The following UNC13C variants were observed in gnomAD, a reference collection of about 807,000 sequenced individuals.
UNC13C encodes protein unc-13 homolog C.
A neutral mutation model predicts 245.4 loss-of-function variants in UNC13C; 174 were observed. The ratio of observed to expected loss-of-function variants is 0.71; its 90% confidence interval spans 0.63 to 0.80. The LOEUF is 0.80. Ranked by LOEUF, UNC13C falls within the 30% of genes least tolerant of loss-of-function variation. UNC13C has a pLI of 0.00. For missense variants in UNC13C, 2,829 were observed against 2,602.9 expected (o/e 1.09, Z -1.89); for synonymous variants, 992 against 895.1 (o/e 1.11, Z -1.93).
intron 30 of UNC13C, among the ~76,000 whole-genome samples, chr15:54,592,266 T>G (rs1401070811): frequency 6.6e-6 from 1 of 152,162 alleles, no homozygotes; most frequent in Admixed American, 6.5e-5. Flanking sequence ...GAACGTGTAT[T>G]CTGTGGTTGT....
chr15:54,000,994 A>G (rs535348737), intron 1 of UNC13C, among the ~76,000 whole-genome samples: 2 of 152,306 alleles, frequency 1.3e-5, no homozygotes, highest in South Asian at 4.1e-4. Flanking sequence ...CTCTTTCGTA[A>G]TGTGTGATAA....
chr15:54,629,539 G>GTATC (rs1901401067), downstream of UNC13C: 2 of 152,276 alleles, frequency 1.3e-5, no homozygotes, highest in East Asian at 3.9e-4. Flanking sequence ...ATGAACTAAT[G>GTATC]TATCTACCTA....
chr15:54,519,624 A>G (rs1462734242), intron 24 of UNC13C, among the ~76,000 whole-genome samples: 1 of 152,212 alleles, frequency 6.6e-6, no homozygotes, highest in Non-Finnish European at 1.5e-5. Flanking sequence ...TAGGATAAAG[A>G]AAATGCCATA....
intron 8 of UNC13C, among the ~76,000 whole-genome samples, chr15:54,260,748 T>G (rs2140884050): frequency 6.7e-6 from 1 of 149,052 alleles, no homozygotes; most frequent in African/African-American, 2.4e-5. Context: ...GTTTTATATA[T>G]AAAGTTACGT....
rs527481763 is a variant in UNC13C at position 54,609,880 on chromosome 15, A to C, written c.6107-12447A>C. ...GAAAGGGAAGAAAACGTGCTTCTTC[A>C]CATGGTGACAGGAAAGAGAAATGCT... On this transcript the variant is annotated intron_variant, in intron 30 of 32. Transcript: ENST00000260323. Among the ~76,000 whole-genome samples the C allele has an allele frequency of 2.9e-4, 44 of 152,320 alleles. 1 individual carries two copies. The South Asian group carries it at 8.5e-3, about 29-fold the overall frequency.
At chr15:53,876,282 A>G in the UNC13C span, among the ~76,000 whole-genome samples, 1 of 152,178 alleles carries the variant, frequency 6.6e-6, no homozygotes, top group South Asian at 2.1e-4. Context: ...TCAAAGCTCA[A>G]GTACCAAACT....
At chr15:54,225,408 C>T (rs1283039740) in intron 4 of UNC13C, among the ~76,000 whole-genome samples, 9 of 152,036 alleles carry the variant, frequency 5.9e-5, no homozygotes, top group Non-Finnish European at 1.5e-5. Context: ...GGCAGTATGC[C>T]CATTTTCACA....
At chr15:54,082,636 A>G (rs1319415600) in intron 2 of UNC13C, among the ~76,000 whole-genome samples, 1 of 152,150 alleles carries the variant, frequency 6.6e-6, no homozygotes, top group Non-Finnish European at 1.5e-5. Context: ...TGGAGTTGTC[A>G]AAACACTGTC....
At chr15:53,987,260 G>C (rs368532118) in intron 1 of UNC13C, among the ~76,000 whole-genome samples, 3 of 149,134 alleles carry the variant, frequency 2.0e-5, no homozygotes, top group South Asian at 4.2e-4. Context: ...TGGCTGTCTG[G>C]GTAATTCAAA....
intron 14 of UNC13C, among the ~76,000 whole-genome samples, chr15:54,327,682 A>T (rs1278563564): frequency 6.6e-6 from 1 of 152,080 alleles, no homozygotes; most frequent in Non-Finnish European, 1.5e-5. Flanking sequence ...GTATTGAAGG[A>T]TGATAGTGGG....
intron 11 of UNC13C, among the ~76,000 whole-genome samples, chr15:54,294,814 A>G (rs2037387260): frequency 6.6e-6 from 1 of 152,180 alleles, no homozygotes; most frequent in Admixed American, 6.5e-5. Context: ...GAGTTGACAC[A>G]TTCCTTGGGT....
chr15:54,146,250 A>G (rs1422504782), intron 4 of UNC13C, among the ~76,000 whole-genome samples: 1 of 152,194 alleles, frequency 6.6e-6, no homozygotes, highest in African/African-American at 2.4e-5. Context: ...CAGACTTTTG[A>G]AATACGGAGT....
intron 18 of UNC13C, among the ~76,000 whole-genome samples, chr15:54,397,468 T>G (rs763804541): frequency 6.6e-6 from 1 of 151,548 alleles, no homozygotes; most frequent in Non-Finnish European, 1.5e-5. Flanking sequence ...TAAAATTTAC[T>G]CAACTTTGTT....
chr15:54,571,411 T>A lies in UNC13C; in HGVS notation c.6106+3464T>A, dbSNP rs548927712. Reference sequence around the variant, plus strand: ...GGAAAAACCCACCCCTGTGATTCAATTACCTCTCACCAGGTCCATCCCATG... The same window carrying A: ...GGAAAAACCCACCCCTGTGATTCAAATACCTCTCACCAGGTCCATCCCATG... On this transcript the variant is annotated intron_variant, in intron 30 of 32. Transcript: ENST00000260323. 1.4e-3 allele frequency among the ~76,000 whole-genome samples: 220 copies of A among 152,278 alleles called. 1 individual carries two copies. The highest frequency in any genetic ancestry group is 5.2e-3 in the African/African-American group (215 of 41,562).
intron 2 of UNC13C, among the ~76,000 whole-genome samples, chr15:54,040,029 A>C (rs549734001): frequency 6.6e-6 from 1 of 151,074 alleles, no homozygotes; most frequent in Admixed American, 6.6e-5. Flanking sequence ...AACAAGCCAA[A>C]CCCCTTACTG....
chr15:54,575,969 G>T (rs907609237), intron 30 of UNC13C, among the ~76,000 whole-genome samples: 1 of 152,232 alleles, frequency 6.6e-6, no homozygotes, highest in African/African-American at 2.4e-5. Flanking sequence ...CAGTCAAAGA[G>T]CTATGCACAA....
intron 17 of UNC13C, among the ~76,000 whole-genome samples, chr15:54,374,344 G>A (rs1472071071): frequency 6.6e-6 from 1 of 152,040 alleles, no homozygotes; most frequent in East Asian, 1.9e-4. Context: ...TGTTTGTACT[G>A]AGGGACACCT....
intron 4 of UNC13C, among the ~76,000 whole-genome samples, chr15:54,165,995 ATTG>A (rs1256047918): frequency 6.6e-6 from 1 of 151,888 alleles, no homozygotes; most frequent in Non-Finnish European, 1.5e-5. Flanking sequence ...TTGTTCGTCT[ATTG>A]TTCTCATTAC....
At chr15:53,899,634 G>T in the UNC13C span, among the ~76,000 whole-genome samples, 10 of 151,978 alleles carry the variant, frequency 6.6e-5, no homozygotes, top group Non-Finnish European at 8.8e-5. Context: ...CCAGGATCTC[G>T]GCTCACCGCA....
Sources: allele counts gnomAD v4.1 joint callset (sites outside exome capture counted in the v4.1 genomes callset), GRCh38; gene constraint gnomAD v4.1.1; transcripts MANE v1.5; gene names NCBI Gene and HGNC (gene_info 2026-07-23, HGNC 2026-07-21).